Variants in APBA2 observed in about 807,000 individuals in gnomAD.
APBA2 encodes amyloid-beta A4 precursor protein-binding family A member 2.
APBA2 carries 30 observed loss-of-function variants against 75.0 expected under a neutral mutation model. The ratio of observed to expected loss-of-function variants is 0.40; its 90% CI spans 0.30 to 0.54. The LOEUF is 0.54. APBA2 is among the 20% of genes least tolerant of loss of function. The pLI, the probability that APBA2 is intolerant of heterozygous loss-of-function variation, is 0.49. For missense variants in APBA2, 801 were observed against 1,016.1 expected (o/e 0.79, Z 2.88); for synonymous variants, 444 against 409.6 (o/e 1.08, Z -1.01).
intron 11 of APBA2, 58 bp downstream of exon 11, chr15:29,105,616 C>G: frequency 6.3e-7 from 1 of 1,593,800 alleles, no homozygotes; most frequent in South Asian, 1.1e-5. Flanking sequence ...GCTCCCTGAG[C>G]TCCTGCAGAG....
At chr15:29,006,150 CT>C (rs1360221097) in intron 3 of APBA2, among the ~76,000 whole-genome samples, 2 of 152,174 alleles carry the variant, frequency 1.3e-5, no homozygotes, top group Admixed American at 6.5e-5. Context: ...AATTTTCTCT[CT>C]TTTCACATGT....
chr15:28,890,916 T>C (rs1487801345), intron 1 of APBA2, among the ~76,000 whole-genome samples: 1 of 152,116 alleles, frequency 6.6e-6, no homozygotes, highest in Non-Finnish European at 1.5e-5. Context: ...TACGGCCTAG[T>C]GAGAGAATGC....
intron 3 of APBA2, among the ~76,000 whole-genome samples, chr15:29,033,109 G>A (rs763330419): frequency 6.6e-6 from 1 of 152,196 alleles, no homozygotes; most frequent in Non-Finnish European, 1.5e-5. Context: ...GCCTCTGAAC[G>A]AGAATTGGCA....
intron 2 of APBA2, among the ~76,000 whole-genome samples, chr15:28,940,733 A>G (rs2035172492): frequency 6.6e-6 from 1 of 152,188 alleles, no homozygotes; most frequent in South Asian, 2.1e-4. Flanking sequence ...TTCTGCTGAA[A>G]GAAGCTGAGA....
chr15:29,023,441 C>CTTTTTTCTT (rs2040049692), intron 3 of APBA2, among the ~76,000 whole-genome samples: 1 of 73,288 alleles, frequency 1.4e-5, no homozygotes, highest in Non-Finnish European at 2.4e-5. Context: ...TACCTTTTTC[C>CTTTTTTCTT]TTTTTTTTTT....
chr15:28,943,366 G>A (rs1470956458), intron 2 of APBA2, among the ~76,000 whole-genome samples: 3 of 152,202 alleles, frequency 2.0e-5, no homozygotes, highest in African/African-American at 7.2e-5. Flanking sequence ...AAGAAGCATG[G>A]GAGACTCCCC....
intron 2 of APBA2, among the ~76,000 whole-genome samples, chr15:28,957,236 C>T (rs2036218892): frequency 1.6e-5 from 2 of 128,538 alleles, no homozygotes; most frequent in Admixed American, 7.0e-5. Context: ...CCGTGCCTGG[C>T]TAATTTTTTT....
Position 29,054,038 on chromosome 15 carries a change from C to A in APBA2, c.154C>A (p.Arg52=). 6.2e-7 allele frequency: 1 copy of A among 1,613,788 alleles called. No individual in the cohort carries two copies. The highest frequency in any genetic ancestry group is 1.3e-5 in the African/African-American group (1 of 75,040). The change falls in exon 4 of 15, where the codon CGG becomes AGG. Residue 52 remains arginine, a synonymous_variant. Coordinates refer to ENST00000683413, the MANE Select transcript of APBA2 (RefSeq NM_001353788.2). The surrounding 1 kb of genome is among the most constrained non-coding windows in gnomAD (Gnocchi z 6.1). The part of the protein sequence containing the change: ...VPEGLELAAL[R]PESPAPEEQE... ...CGAGGGCCTGGAGCTGGCTGCCCTGCGGCCAGAGAGCCCCGCGCCAGAGGA... is the reference window on the plus strand; with the variant it reads ...CGAGGGCCTGGAGCTGGCTGCCCTGAGGCCAGAGAGCCCCGCGCCAGAGGA...
intron 2 of APBA2, among the ~76,000 whole-genome samples, chr15:28,983,969 C>T (rs1380944127): frequency 6.6e-6 from 1 of 152,182 alleles, no homozygotes; most frequent in Non-Finnish European, 1.5e-5. Flanking sequence ...CCTGCCCTGC[C>T]CCAGGAACCT....
intron 2 of APBA2, among the ~76,000 whole-genome samples, chr15:28,938,610 C>A (rs1425220844): frequency 1.3e-5 from 2 of 152,138 alleles, no homozygotes; most frequent in Non-Finnish European, 2.9e-5. Context: ...CCTGTTCAAG[C>A]GATTTTCATG....
intron 4 of APBA2, among the ~76,000 whole-genome samples, chr15:29,056,607 T>TCCCTC (rs1566955531): frequency 7.4e-4 from 2 of 2,706 alleles, no homozygotes; most frequent in East Asian, 0.029. Context: ...CCTCCCTCCC[T>TCCCTC]CCCTCCTTCT....
intron 14 of APBA2, among the ~76,000 whole-genome samples, chr15:29,115,695 G>T (rs1380854643): frequency 6.6e-6 from 1 of 152,162 alleles, no homozygotes; most frequent in African/African-American, 2.4e-5. Context: ...GTTGCGAGGG[G>T]CCTCGGGGTG....
chr15:28,910,625 G>A, intron 1 of APBA2, among the ~76,000 whole-genome samples: 1 of 152,034 alleles, frequency 6.6e-6, no homozygotes, highest in Non-Finnish European at 1.5e-5. Flanking sequence ...GGGTTAGTTG[G>A]GAAAGAGAGC....
chr15:28,917,362 C>G (rs897874224), intron 1 of APBA2, among the ~76,000 whole-genome samples: 9 of 152,196 alleles, frequency 5.9e-5, no homozygotes, highest in Admixed American at 2.0e-4. Context: ...CTCCAGGGCT[C>G]CTTCCTAGGG....
chr15:29,015,770 G>A (rs1427944372), intron 3 of APBA2, among the ~76,000 whole-genome samples: 6 of 152,132 alleles, frequency 3.9e-5, no homozygotes, highest in Admixed American at 1.3e-4. Flanking sequence ...CAGGTTTGTG[G>A]GGGGACAAGA....
rs1213234715 is a variant in APBA2, at chr15:28,912,819, C to G, written c.-204-8821C>G. Among the ~76,000 whole-genome samples, 5 of 152,348 alleles carry G rather than the reference C, an allele frequency of 3.3e-5. No individual in the cohort carries two copies. In the East Asian group the frequency reaches 5.8e-4, roughly 18 times the overall value. ...CCCTAGGTGTTTTACTTGCAGATAC[C>G]TTGAGTACCTTGTTTGTATATTCAC... On this transcript the variant is annotated intron_variant, in intron 1 of 14. Coordinates refer to ENST00000683413, the MANE Select transcript of APBA2 (RefSeq NM_001353788.2).
intron 2 of APBA2, among the ~76,000 whole-genome samples, chr15:28,994,635 G>A (rs554491007): frequency 1.3e-5 from 2 of 152,270 alleles, no homozygotes; most frequent in Admixed American, 1.3e-4. Flanking sequence ...ATCTTCCCTG[G>A]GCCATTTTGG....
intron 9 of APBA2, 130 bp downstream of exon 9, chr15:29,098,706 A>G (rs950084830): frequency 7.4e-6 from 6 of 814,296 alleles, no homozygotes; most frequent in Admixed American, 2.0e-5. Context: ...CCCAAGGCCC[A>G]TAGCCCGGGC....
At chr15:28,951,881 C>CTTTTTT (rs71414600) in intron 2 of APBA2, among the ~76,000 whole-genome samples, 1 of 109,824 alleles carries the variant, frequency 9.1e-6, no homozygotes, top group African/African-American at 3.8e-5. Flanking sequence ...TGCACTCAGC[C>CTTTTTT]TTTTTTTTTT....
Sources: gnomAD v4.1 joint callset for allele counts (sites outside exome capture counted in the v4.1 genomes callset) on GRCh38, gnomAD v4.1.1 for gene constraint, Gnocchi (gnomAD v3.1) non-coding constraint, MANE v1.5 for transcripts, NCBI Gene and HGNC (gene_info 2026-07-23, HGNC 2026-07-21) for gene names.